ZFYVE28: variants seen among roughly 807,000 people sequenced by gnomAD.
ZFYVE28 encodes zinc finger FYVE-type containing 28, also known as lateral signaling target protein 2 homolog.
A neutral mutation model predicts 82.1 loss-of-function variants in ZFYVE28; 40 were observed. The observed-to-expected ratio is 0.49, with a 90% confidence interval of 0.38 to 0.63. The LOEUF (loss-of-function observed/expected upper bound fraction) is 0.63. ZFYVE28 is among the 30% of genes least tolerant of loss of function. The pLI, the probability that ZFYVE28 is intolerant of heterozygous loss-of-function variation, is 0.00. For synonymous variants in ZFYVE28, 612 were observed against 546.1 expected, an observed-to-expected ratio of 1.12 and a Z score of -1.68; for missense variants, 1,321 against 1,242.1, an observed-to-expected ratio of 1.06 and a Z score of -0.96.
intron 1 of ZFYVE28, among the ~76,000 whole-genome samples, chr4:2,405,486 C>T (rs921346712): frequency 6.6e-6 from 1 of 152,250 alleles, no homozygotes; most frequent in Non-Finnish European, 1.5e-5. Flanking sequence ...CTTACAGTTT[C>T]CCATCATTCC....
At position 2,360,495 on chromosome 4, in the gene ZFYVE28, C is replaced by T. The variant is rs141055938; in HGVS notation, c.40-6422G>A. Among the ~76,000 whole-genome samples the T allele has an allele frequency of 9.2e-5, 14 of 152,096 alleles. No homozygotes were observed. The East Asian group carries it at 1.4e-3, about 15-fold the overall frequency. ...TGAGTTAGCCCCTGAGCTAGCGTCC[C>T]GGCCATTCAGGACCAGTATTTCAGA... On this transcript the variant is annotated intron_variant, in intron 1 of 12. Coordinates refer to ENST00000290974, the MANE Select transcript of ZFYVE28 (RefSeq NM_020972.3).
chr4:2,360,010 G>A (rs114277473), intron 1 of ZFYVE28, among the ~76,000 whole-genome samples: 4,317 of 152,194 alleles, frequency 0.028, 106 homozygotes, highest in Non-Finnish European at 0.036. Flanking sequence ...TACCCACCCC[G>A]GACAAGCGCA....
intron 2 of ZFYVE28, among the ~76,000 whole-genome samples, chr4:2,348,146 C>A (rs1723856066): frequency 6.6e-6 from 1 of 152,036 alleles, no homozygotes; most frequent in Non-Finnish European, 1.5e-5. Context: ...GTGGATCCTA[C>A]ATATATTAAA....
Position 2,305,106 on chromosome 4 carries a change from C to T in ZFYVE28, c.1234G>A (p.Ala412Thr). 1 of 1,600,246 alleles carries T rather than the reference C, an allele frequency of 6.2e-7. No homozygotes were observed. The highest frequency in any genetic ancestry group is 8.5e-7 in the Non-Finnish European group (1 of 1,172,836). ...FMDDVEGTAEALARPESPAGP... is the reference protein window; with the variant it reads ...FMDDVEGTAETLARPESPAGP... ...GCTGGGGACTCGGGCCTGGCCAGGG[C>T]TTCTGCCGTCCCCTCCACGTCATCC... The change falls in exon 8 of 13, where the codon GCC becomes ACC. Residue 412 changes from alanine to threonine, a missense_variant. By Grantham distance (58) the Ala-to-Thr change is moderately conservative (BLOSUM62 0). This residue lies in a region of ZFYVE28 where 978 missense variants were observed against 833.7 expected (regional missense o/e 1.17). Coordinates refer to ENST00000290974, the MANE Select transcript of ZFYVE28 (RefSeq NM_020972.3).
Position 2,305,548 on chromosome 4 carries a change from G to C in ZFYVE28, c.804-12C>G. ...TCTGCAGCAAATCCCTACGAATCAA[G>C]ACAAAACCCAAGGGTGAGGGTCCCA... On this transcript the variant is annotated splice_polypyrimidine_tract_variant and intron_variant, in intron 7 of 12. Coordinates refer to ENST00000290974, the MANE Select transcript of ZFYVE28 (RefSeq NM_020972.3). 3 of 1,612,836 alleles carry C rather than the reference G, an allele frequency of 1.9e-6. No homozygotes were observed. The highest frequency in any genetic ancestry group is 2.5e-6 in the Non-Finnish European group (3 of 1,179,976).
intron 8 of ZFYVE28, among the ~76,000 whole-genome samples, chr4:2,275,975 A>T (rs1736396065): frequency 6.6e-6 from 1 of 152,206 alleles, no homozygotes; most frequent in Non-Finnish European, 1.5e-5. Flanking sequence ...AGCCAGCCAC[A>T]GCCCCGCCAA....
chr4:2,311,879 C>T (rs1264657501), intron 7 of ZFYVE28, among the ~76,000 whole-genome samples: 3 of 152,156 alleles, frequency 2.0e-5, no homozygotes, highest in Admixed American at 2.0e-4. Flanking sequence ...TGGGTTCAAG[C>T]AATCCTCCTA....
At chr4:2,401,778 C>T (rs946279062) in intron 1 of ZFYVE28, among the ~76,000 whole-genome samples, 6 of 152,214 alleles carry the variant, frequency 3.9e-5, no homozygotes, top group African/African-American at 1.4e-4. Flanking sequence ...GCCACAGTTC[C>T]ACAGGAGCCT....
chr4:2,341,631 G>A lies in ZFYVE28; in HGVS notation c.181-16C>T, dbSNP rs2108864876. ...ACACATTGTCCTGAAACAGAAGACA[G>A]GAGAAAGTGCGCCAATCGCTGTGTC... On this transcript the variant is annotated splice_polypyrimidine_tract_variant and intron_variant, in intron 2 of 12. Coordinates refer to ENST00000290974, the MANE Select transcript of ZFYVE28 (RefSeq NM_020972.3). The surrounding 1 kb of genome is among the most constrained non-coding windows in gnomAD (Gnocchi z 4.5). 6.3e-7 allele frequency: 1 copy of A among 1,596,930 alleles called. No individual in the cohort carries two copies. Among genetic ancestry groups the A allele is most frequent in the Non-Finnish European group, 8.6e-7 (1 of 1,165,958 alleles).
In ZFYVE28 at chr4:2,335,122, C is replaced by T. The variant is rs79592795; in HGVS notation, c.701+583G>A. ...CGTCCTTGAGCCCCACAGGACCCTA[C>T]AGGCTGCCTTGAGTTCCCTGCTCTC... On this transcript the variant is annotated intron_variant, in intron 6 of 12. Coordinates refer to ENST00000290974, the MANE Select transcript of ZFYVE28 (RefSeq NM_020972.3). This position sits in a 1 kb window ranked among gnomAD's most constrained non-coding sequence, Gnocchi z 5.8. Among the ~76,000 whole-genome samples, 11,323 of 151,608 alleles carry T rather than the reference C, an allele frequency of 0.075. 525 individuals carry two copies. Among genetic ancestry groups the T allele is most frequent in the African/African-American group, 0.12 (5,087 of 41,296 alleles).
At chr4:2,350,474 AAAG>A (rs1724247005) in intron 2 of ZFYVE28, among the ~76,000 whole-genome samples, 1 of 152,010 alleles carries the variant, frequency 6.6e-6, no homozygotes, top group African/African-American at 2.4e-5. Context: ...AAAAAAAAAA[AAAG>A]AAAGAAAGAA....
intron 8 of ZFYVE28, among the ~76,000 whole-genome samples, chr4:2,281,780 C>A (rs1223721603): frequency 1.3e-5 from 2 of 152,190 alleles, no homozygotes; most frequent in African/African-American, 4.8e-5. Flanking sequence ...GTGTTTATCC[C>A]CTGTGGCCAG....
At chr4:2,383,600 G>A (rs531430681) in intron 1 of ZFYVE28, among the ~76,000 whole-genome samples, 4 of 152,250 alleles carry the variant, frequency 2.6e-5, no homozygotes, top group South Asian at 2.1e-4. Flanking sequence ...TGCTGCTTTC[G>A]GTCACCTCCA....
At position 2,270,380 on chromosome 4, in the gene ZFYVE28, A is replaced by C. The variant is rs1577834277; in HGVS notation, c.*345T>G. 1 of 325,550 alleles carries C rather than the reference A, an allele frequency of 3.1e-6. No individual in the cohort carries two copies. Among genetic ancestry groups the C allele is most frequent in the Non-Finnish European group, 5.9e-6 (1 of 170,392 alleles). 20.2% of individuals were successfully genotyped at this position (325,550 alleles called of 1,614,324 possible). A position where few individuals can be genotyped will look rare whatever the true frequency, so the allele number is the denominator to read the frequency against. On this transcript the variant is annotated 3_prime_UTR_variant, in exon 13 of 13. Coordinates refer to ENST00000290974, the MANE Select transcript of ZFYVE28 (RefSeq NM_020972.3). Reference sequence around the variant, plus strand: ...GCGCAGAGTGGCCCCACTCTTGTCCACCTCCATCACCCGCCCCGATTCCCA... The same window carrying C: ...GCGCAGAGTGGCCCCACTCTTGTCCCCCTCCATCACCCGCCCCGATTCCCA...
chr4:2,357,489 C>G (rs1255910841), intron 1 of ZFYVE28, among the ~76,000 whole-genome samples: 1 of 152,210 alleles, frequency 6.6e-6, no homozygotes, highest in Non-Finnish European at 1.5e-5. Flanking sequence ...GGGCCTGACA[C>G]CCACCTCAGG....
At chr4:2,288,404 TG>T (rs1391361041) in intron 8 of ZFYVE28, among the ~76,000 whole-genome samples, 1 of 151,992 alleles carries the variant, frequency 6.6e-6, no homozygotes, top group East Asian at 1.9e-4. Context: ...TGCTACACAG[TG>T]GGGGAGCATC....
intron 8 of ZFYVE28, among the ~76,000 whole-genome samples, chr4:2,294,851 C>T (rs923929234): frequency 2.0e-5 from 3 of 152,154 alleles, no homozygotes; most frequent in Non-Finnish European, 4.4e-5. Context: ...GGTGGTGTGC[C>T]TGTAGTTCCA....
At chr4:2,364,457 C>A in intron 1 of ZFYVE28, 1 of 985,488 alleles carries the variant, frequency 1.0e-6, no homozygotes, top group Non-Finnish European at 1.2e-6. Context: ...GGCAGCTTTA[C>A]GTTCAATTCA....
chr4:2,361,180 G>T (rs151312118), intron 1 of ZFYVE28, among the ~76,000 whole-genome samples: 1 of 152,112 alleles, frequency 6.6e-6, no homozygotes, highest in Non-Finnish European at 1.5e-5. Context: ...AGTCAAACCC[G>T]TAAAGAAGGC....
Sources: allele counts gnomAD v4.1 joint callset (sites outside exome capture counted in the v4.1 genomes callset), GRCh38; gene constraint gnomAD v4.1.1; regional missense constraint gnomAD v4.1.1; non-coding constraint Gnocchi (gnomAD v3.1); transcripts MANE v1.5; gene names NCBI Gene and HGNC (gene_info 2026-07-23, HGNC 2026-07-21).